CEACAM20: variants seen among roughly 807,000 people sequenced by gnomAD.
CEACAM20 encodes cell adhesion molecule CEACAM20.
CEACAM20 carries 50 observed loss-of-function variants against 61.2 expected under a neutral mutation model. That is an observed-to-expected ratio of 0.82 (90% confidence interval 0.65 to 1.03). CEACAM20 has a LOEUF of 1.03. CEACAM20 is among the 50% of genes least tolerant of loss of function. The pLI is 0.00. For synonymous variants in CEACAM20, 282 were observed against 287.7 expected (o/e 0.98, Z 0.20); for missense variants, 683 against 736.4 (o/e 0.93, Z 0.84).
chr19:44,529,390 A>G (rs1971644079), intron 1 of CEACAM20, 68 bp downstream of exon 1: 1 of 1,223,894 alleles, frequency 8.2e-7, no homozygotes, highest in South Asian at 1.3e-5. Context: ...ACACACACAC[A>G]CACACCGCTG....
intron 11 of CEACAM20, among the ~76,000 whole-genome samples, chr19:44,507,519 A>G (rs1456564446): frequency 6.6e-6 from 1 of 152,240 alleles, no homozygotes; most frequent in Non-Finnish European, 1.5e-5. Flanking sequence ...TGGATTGAGA[A>G]GAATGAGATG....
In CEACAM20 at chr19:44,508,249, G is replaced by A. The variant is rs897669073; in HGVS notation, c.1738-2035C>T. Among the ~76,000 whole-genome samples the A allele has an allele frequency of 2.6e-5, 4 of 152,188 alleles. No individual in the cohort carries two copies. The East Asian group carries it at 7.7e-4, about 29-fold the overall frequency. On this transcript the variant is annotated intron_variant, in intron 11 of 11. Coordinates refer to ENST00000614924, the MANE Select transcript of CEACAM20 (RefSeq NM_001102597.3). ...TTCTTGGAATTGGAGTAATCTGGCT[G>A]TCCTGATGACAGGGTTGAGATCACT...
chr19:44,520,659 C>A lies in CEACAM20; in HGVS notation c.845G>T (p.Ser282Ile). Residue 282 changes from serine (S) to isoleucine (I), a missense_variant, in exon 5 of 12, where the codon AGT (serine) becomes ATT (isoleucine). Physicochemically the swap from Ser to Ile is moderately radical, Grantham distance 142. Coordinates refer to ENST00000614924, the MANE Select transcript of CEACAM20 (RefSeq NM_001102597.3). The stretch of plus-strand genomic sequence containing the variant: ...ACTTAGGAACCACTGGACATTCACA[C>A]TCTGATTGACGGTTTGGCAGGTCAG... ...VDLTCQTVNQ[S>I]VNVQWFLSGQ... is the part of the protein sequence containing the mutation. 1 of 1,614,034 alleles carries A rather than the reference C, an allele frequency of 6.2e-7. No individual in the cohort carries two copies. The highest frequency in any genetic ancestry group is 8.5e-7 in the Non-Finnish European group (1 of 1,179,902).
rs1231435864 is a variant in CEACAM20, at chr19:44,518,084, AAG to A, written c.1031-862_1031-861del. Among the ~76,000 whole-genome samples the A allele has an allele frequency of 4.3e-5, 4 of 92,004 alleles. 2 individuals are homozygous for A. Among genetic ancestry groups the A allele is most frequent in the African/African-American group, 2.7e-4 (4 of 15,014 alleles). 60.4% of individuals were successfully genotyped at this position (92,004 alleles called of 152,430 possible). A position where few individuals can be genotyped will look rare whatever the true frequency, so the allele number is the denominator to read the frequency against. On this transcript the variant is annotated intron_variant, in intron 5 of 11. Transcript: ENST00000614924. ...GAGTGAGACTCAAAAGGAAAGAGGA[AAG>A]AAAGAAAGAAAGAAAGAAAGGAAGG...
intron 1 of CEACAM20, among the ~76,000 whole-genome samples, chr19:44,526,891 CA>C (rs150307983): frequency 1.0e-4 from 15 of 144,148 alleles, no homozygotes; most frequent in East Asian, 9.9e-4. Context: ...AACAAACAAA[CA>C]AAAAAAAAAC....
chr19:44,525,428 T>G (rs1192438715), intron 1 of CEACAM20, among the ~76,000 whole-genome samples, 184 bp from the exon 2 acceptor site: 2 of 151,938 alleles, frequency 1.3e-5, no homozygotes, highest in African/African-American at 4.8e-5. Flanking sequence ...TGTTTGGTTT[T>G]TGTTTGTGTA....
At chr19:44,519,333 A>G (rs1971284598) in intron 5 of CEACAM20, among the ~76,000 whole-genome samples, 1 of 152,208 alleles carries the variant, frequency 6.6e-6, no homozygotes, top group Non-Finnish European at 1.5e-5. Flanking sequence ...AATGCCCAAC[A>G]TGTTGCTTAG....
In CEACAM20 at chr19:44,520,651, C is replaced by T. The variant is rs1971330563; in HGVS notation, c.853G>A (p.Val285Ile). The T allele has an allele frequency of 3.7e-6, 6 of 1,613,908 alleles. No individual in the cohort carries two copies. The African/African-American group carries it at 5.3e-5, about 14-fold the overall frequency. ...TCQTVNQSVNVQWFLSGQPLL... is the reference protein window; with the variant it reads ...TCQTVNQSVNIQWFLSGQPLL... Reference sequence around the variant, plus strand: ...GGCTGGCCACTTAGGAACCACTGGACATTCACACTCTGATTGACGGTTTGG... The same window carrying T: ...GGCTGGCCACTTAGGAACCACTGGATATTCACACTCTGATTGACGGTTTGG... The change falls in exon 5 of 12, where the codon GTC (valine) becomes ATC (isoleucine). Residue 285 changes from valine to isoleucine, a missense_variant. Val to Ile is a conservative substitution (Grantham distance 29). Transcript: ENST00000614924.
At chr19:44,528,161 T>C (rs11666732) in intron 1 of CEACAM20, among the ~76,000 whole-genome samples, 1 of 147,456 alleles carries the variant, frequency 6.8e-6, no homozygotes, top group African/African-American at 2.6e-5. Flanking sequence ...TTCTTTCTTT[T>C]CTTTCTTTCC....
intron 11 of CEACAM20, among the ~76,000 whole-genome samples, chr19:44,508,948 A>G (rs1970895294): frequency 6.6e-6 from 1 of 152,230 alleles, no homozygotes; most frequent in Non-Finnish European, 1.5e-5. Flanking sequence ...ACTGCTTCAA[A>G]TCTCCCATGA....
intron 11 of CEACAM20, 102 bp downstream of exon 11, chr19:44,510,928 T>C: frequency 2.1e-6 from 3 of 1,417,072 alleles, no homozygotes; most frequent in Non-Finnish European, 2.9e-6. Flanking sequence ...TAAAGGGAAA[T>C]TTTTCTTCAT....
Position 44,524,310 on chromosome 19 carries a change from A to G in CEACAM20, c.197-49T>C, listed in dbSNP as rs1014012127. Reference sequence around the variant, plus strand: ...AGGCAGAGACACAGGTAGAGGAAGAACAAACAAGACATAGTCACAGAGGGA... The same window carrying G: ...AGGCAGAGACACAGGTAGAGGAAGAGCAAACAAGACATAGTCACAGAGGGA... On this transcript the variant is annotated intron_variant, in intron 2 of 11. Transcript: ENST00000614924. The G allele has an allele frequency of 8.3e-6, 13 of 1,562,292 alleles. 1 individual carries two copies. The highest frequency in any genetic ancestry group is 4.0e-4 in the Middle Eastern group (2 of 5,000).
At chr19:44,517,337 T>C (rs1414632747) in intron 5 of CEACAM20, 113 bp from the exon 6 acceptor site, 5 of 1,304,898 alleles carry the variant, frequency 3.8e-6, no homozygotes, top group Non-Finnish European at 5.3e-6. Context: ...CATACTCCCT[T>C]TTCCTCCTTA....
At chr19:44,519,250 T>C (rs924474075) in intron 5 of CEACAM20, among the ~76,000 whole-genome samples, 3 of 152,172 alleles carry the variant, frequency 2.0e-5, no homozygotes, top group African/African-American at 7.2e-5. Context: ...TATCATGCTA[T>C]GTTTTATCTG....
At chr19:44,519,219 T>C (rs1294107333) in intron 5 of CEACAM20, among the ~76,000 whole-genome samples, 1 of 152,096 alleles carries the variant, frequency 6.6e-6, no homozygotes, top group African/African-American at 2.4e-5. Flanking sequence ...ATACCCTCCC[T>C]TTGTCCCCCG....
At chr19:44,507,269 T>C (rs17714467) in intron 11 of CEACAM20, among the ~76,000 whole-genome samples, 4,720 of 152,292 alleles carry the variant, frequency 0.031, 126 homozygotes, top group Middle Eastern at 0.051. Flanking sequence ...GAAACAAACA[T>C]GGCTCCCCTA....
At chr19:44,514,993 AC>A (rs142666784) in intron 6 of CEACAM20, among the ~76,000 whole-genome samples, 5,151 of 151,636 alleles carry the variant, frequency 0.034, 307 homozygotes, top group African/African-American at 0.12. Context: ...ACCCACCACC[AC>A]GCCTGGCTAA....
chr19:44,524,162 A>T lies in CEACAM20; in HGVS notation c.296T>A (p.Ile99Asn), dbSNP rs759460136. Residue 99 changes from isoleucine to asparagine, a missense_variant, in exon 3 of 12, where the codon ATC (isoleucine) becomes AAC (asparagine). Coordinates refer to ENST00000614924, the MANE Select transcript of CEACAM20 (RefSeq NM_001102597.3). ...GGAGAGGTTGTTGGAAACCCAGTGGATGGTAATGTTGACGTCCTTAGTGGT... is the reference window on the plus strand; with the variant it reads ...GGAGAGGTTGTTGGAAACCCAGTGGTTGGTAATGTTGACGTCCTTAGTGGT... ...YCTTKDVNITIHWVSNNLSIV... is the reference protein window; with the variant it reads ...YCTTKDVNITNHWVSNNLSIV... The T allele has an allele frequency of 2.3e-5, 37 of 1,613,814 alleles. No individual in the cohort carries two copies. Among genetic ancestry groups the T allele is most frequent in the Admixed American group, 2.0e-4 (12 of 59,980 alleles).
intron 1 of CEACAM20, among the ~76,000 whole-genome samples, chr19:44,527,812 CA>C (rs1395395336): frequency 9.2e-5 from 14 of 152,260 alleles, no homozygotes; most frequent in Non-Finnish European, 1.5e-4. Context: ...CACCTCTGCA[CA>C]TGACCTGTTG....
Sources: gnomAD v4.1 joint callset for allele counts (sites outside exome capture counted in the v4.1 genomes callset) on GRCh38, gnomAD v4.1.1 for gene constraint, MANE v1.5 for transcripts, NCBI Gene and HGNC (gene_info 2026-07-23, HGNC 2026-07-21) for gene names.